ALDH2: variants seen among roughly 807,000 people sequenced by gnomAD.
ALDH2 encodes the protein aldehyde dehydrogenase 2 family member.
A neutral mutation model predicts 59.6 loss-of-function variants in ALDH2; 44 were observed. The ratio of observed to expected loss-of-function variants is 0.74; its 90% CI spans 0.58 to 0.95. ALDH2 has a LOEUF of 0.95. Ranked by LOEUF, ALDH2 falls within the 40% of genes least tolerant of loss-of-function variation. The pLI is 0.00. For synonymous variants in ALDH2, 291 were observed against 284.0 expected (o/e 1.02, Z -0.25); for missense variants, 570 against 696.3 (o/e 0.82, Z 2.04).
intron 12 of ALDH2, among the ~76,000 whole-genome samples, chr12:111,805,580 C>T (rs2068487623): frequency 6.6e-6 from 1 of 152,136 alleles, no homozygotes; most frequent in Admixed American, 6.6e-5. Context: ...CTGCCTTGGT[C>T]CCAAAGTGCT....
At chr12:111,776,300 T>G (rs1398307331) in intron 1 of ALDH2, among the ~76,000 whole-genome samples, 1 of 152,212 alleles carries the variant, frequency 6.6e-6, no homozygotes, top group Non-Finnish European at 1.5e-5. Context: ...ACGAGAGAGC[T>G]GCAGGATCTA....
chr12:111,811,252 G>A lies in ALDH2; in HGVS notation c.*1677G>A, dbSNP rs941777816. On this transcript the variant is annotated 3_prime_UTR_variant, in exon 13 of 13. Transcript: ENST00000261733. ...TAATCCCAGCTACTCAGGAGGCTGA[G>A]GCAGGAGAATTGCTTGAACCTGGGA... The A allele has an allele frequency of 2.0e-5, 3 of 151,746 alleles. No individual in the cohort carries two copies. The highest frequency in any genetic ancestry group is 7.3e-5 in the African/African-American group (3 of 41,330). 9.4% of individuals were successfully genotyped at this position (151,746 alleles called of 1,614,324 possible).
At chr12:111,799,865 T>C in intron 10 of ALDH2, 41 bp from the exon 11 acceptor site, 1 of 1,586,574 alleles carries the variant, frequency 6.3e-7, no homozygotes, top group Non-Finnish European at 8.6e-7. Context: ...GGCAGGTGCC[T>C]CCGTGTTGCC....
chr12:111,807,124 G>A (rs1252066677), intron 12 of ALDH2, among the ~76,000 whole-genome samples: 1 of 151,940 alleles, frequency 6.6e-6, no homozygotes, highest in African/African-American at 2.4e-5. Context: ...TTAGCCAGGC[G>A]TGGTGGCGAG....
intron 1 of ALDH2, 108 bp downstream of exon 1, chr12:111,767,204 G>A: frequency 4.4e-6 from 4 of 918,040 alleles, no homozygotes; most frequent in African/African-American, 1.8e-5. Context: ...TCTGGGGCTC[G>A]AGGGGTTTGC....
intron 1 of ALDH2, among the ~76,000 whole-genome samples, chr12:111,780,912 C>T (rs1227240977): frequency 6.6e-6 from 1 of 152,066 alleles, no homozygotes; most frequent in Non-Finnish European, 1.5e-5. Flanking sequence ...CGCTTGAGTC[C>T]AGCCTGGGGA....
intron 11 of ALDH2, among the ~76,000 whole-genome samples, chr12:111,800,696 C>T (rs1223085312): frequency 1.3e-5 from 2 of 152,022 alleles, no homozygotes; most frequent in Admixed American, 1.3e-4. Flanking sequence ...GTGGAGAAAT[C>T]GGAACCCTCC....
chr12:111,792,905 G>GGTAGAGCTGAGA, intron 9 of ALDH2, 123 bp downstream of exon 9: 12 of 1,127,310 alleles, frequency 1.1e-5, no homozygotes, highest in South Asian at 1.6e-5. Flanking sequence ...GCAGCTGTGT[G>GGTAGAGCTGAGA]CCTTTGGGAA....
chr12:111,790,073 C>A, intron 5 of ALDH2, 139 bp downstream of exon 5: 2 of 738,554 alleles, frequency 2.7e-6, no homozygotes, highest in East Asian at 2.7e-5. Flanking sequence ...AAAGCCAATC[C>A]GGTTTGAGTC....
Position 111,798,067 on chromosome 12 carries a change from TTCTCCCACAGG to T in ALDH2, c.1084-9_1085del. The T allele has an allele frequency of 6.2e-7, 1 of 1,614,160 alleles. No individual in the cohort carries two copies. The highest frequency in any genetic ancestry group is 8.5e-7 in the Non-Finnish European group (1 of 1,180,026). Reference sequence around the variant, plus strand: ...CGATGTCTCCATAACTCTGGGTTCCTTCTCCCACAGGTGGATGAAACTCAGTTTAAGAAGAT... The same window carrying T: ...CGATGTCTCCATAACTCTGGGTTCCTTGGATGAAACTCAGTTTAAGAAGAT... On this transcript the variant is annotated splice_acceptor_variant and splice_polypyrimidine_tract_variant and coding_sequence_variant and intron_variant, in exon 10 of 13. Coordinates refer to ENST00000261733, the MANE Select transcript of ALDH2 (RefSeq NM_000690.4). LOFTEE classifies it high-confidence loss of function.
chr12:111,800,069 A>G lies in ALDH2; in HGVS notation c.1406+6A>G. The G allele has an allele frequency of 3.7e-6, 6 of 1,608,458 alleles. No individual in the cohort carries two copies. Among genetic ancestry groups the G allele is most frequent in the Non-Finnish European group, 5.1e-6 (6 of 1,177,652 alleles). ...CTCCAGGCGGGCACTGTGTGGTAAG[A>G]GCCTCCCAGCAGCCCCTCACAACCC... On this transcript the variant is annotated splice_donor_region_variant and intron_variant, in intron 11 of 12. Transcript: ENST00000261733.
chr12:111,791,296 T>C lies in ALDH2; in HGVS notation c.682-10T>C. On this transcript the variant is annotated splice_polypyrimidine_tract_variant and intron_variant, in intron 6 of 12. Transcript: ENST00000261733. ...GTGACTCCCAATGTCCCCTGGCTGT[T>C]TGCTCACAGGCTGGCTTTCCCCCTG... 1.2e-6 allele frequency: 2 copies of C among 1,610,040 alleles called. No homozygotes were observed. Among genetic ancestry groups the C allele is most frequent in the Non-Finnish European group, 1.7e-6 (2 of 1,176,884 alleles).
intron 1 of ALDH2, among the ~76,000 whole-genome samples, chr12:111,777,778 T>A (rs1037600310): frequency 6.6e-6 from 1 of 152,180 alleles, no homozygotes; most frequent in Non-Finnish European, 1.5e-5. Context: ...GCTTTGAACC[T>A]GAGCTCTTTA....
chr12:111,784,873 C>CG (rs2068298369), intron 3 of ALDH2, among the ~76,000 whole-genome samples: 1 of 152,140 alleles, frequency 6.6e-6, no homozygotes, highest in African/African-American at 2.4e-5. Context: ...GGGATTATAG[C>CG]TGCAAGTCAC....
chr12:111,813,019 G>A lies in ALDH2; in HGVS notation c.*3444G>A, dbSNP rs1854507600. On this transcript the variant is annotated 3_prime_UTR_variant, in exon 13 of 13. Coordinates refer to ENST00000261733, the MANE Select transcript of ALDH2 (RefSeq NM_000690.4). ...CTCTTTTAACCAACAGATAAGAAAG[G>A]AAATATTAGCTATGAAGAAATGTCT... 1 of 152,180 alleles carries A rather than the reference G, an allele frequency of 6.6e-6. No homozygotes were observed. Among genetic ancestry groups the A allele is most frequent in the South Asian group, 2.1e-4 (1 of 4,828 alleles). 9.4% of individuals were successfully genotyped at this position (152,180 alleles called of 1,614,324 possible). A position where few individuals can be genotyped will look rare whatever the true frequency, so the allele number is the denominator to read the frequency against.
intron 2 of ALDH2, among the ~76,000 whole-genome samples, 176 bp from the exon 3 acceptor site, chr12:111,782,982 A>G (rs1233693564): frequency 6.6e-6 from 1 of 152,106 alleles, no homozygotes; most frequent in Admixed American, 6.5e-5. Flanking sequence ...ATTCAACCCC[A>G]TTGCTGAAGT....
chr12:111,777,597 G>A (rs1052288412), intron 1 of ALDH2, among the ~76,000 whole-genome samples: 8 of 152,016 alleles, frequency 5.3e-5, no homozygotes, highest in South Asian at 4.1e-4. Context: ...CTGCCTGCCC[G>A]CCCCCCACGC....
In ALDH2 at chr12:111,800,038, C is replaced by T; in HGVS notation, c.1381C>T (p.Gln461Ter). ...TTTGGACAAGGCCAATTACCTGTCC[C>T]AGGCCCTCCAGGCGGGCACTGTGTG... ...KDLDKANYLS[Q>*]ALQAGTVWVN... Residue 461 changes from glutamine (Q) to a stop codon, truncating the protein, a stop_gained, in exon 11 of 13, where the codon CAG becomes TAG. Coordinates refer to ENST00000261733, the MANE Select transcript of ALDH2 (RefSeq NM_000690.4). LOFTEE classifies it high-confidence loss of function. 1.2e-6 allele frequency: 2 copies of T among 1,613,074 alleles called. No homozygotes were observed. The highest frequency in any genetic ancestry group is 1.7e-6 in the Non-Finnish European group (2 of 1,179,842).
intron 12 of ALDH2, among the ~76,000 whole-genome samples, chr12:111,808,891 G>A (rs865871884): frequency 2.0e-5 from 3 of 152,028 alleles, no homozygotes; most frequent in East Asian, 1.9e-4. Context: ...TAGGATTGGC[G>A]ACTCTGGATA....
Sources: gnomAD v4.1 joint callset for allele counts (sites outside exome capture counted in the v4.1 genomes callset) on GRCh38, gnomAD v4.1.1 for gene constraint, MANE v1.5 for transcripts, NCBI Gene and HGNC (gene_info 2026-07-23, HGNC 2026-07-21) for gene names.